Variants in ZDHHC2 observed in about 807,000 individuals in gnomAD.
ZDHHC2 encodes the protein zDHHC palmitoyltransferase 2, also known as palmitoyltransferase ZDHHC2.
A neutral mutation model predicts 55.6 loss-of-function variants in ZDHHC2; 51 were observed. That is an observed-to-expected ratio of 0.92 (90% CI 0.73 to 1.16). The LOEUF is 1.16. Among genes scored for constraint, ZDHHC2 ranks in the 50% most tolerant of loss-of-function variants. The probability of loss-of-function intolerance (pLI) is 0.00; values close to 1 mark genes in which losing one functional copy is unlikely to be tolerated. For missense variants in ZDHHC2, 491 were observed against 442.4 expected, an observed-to-expected ratio of 1.11 and a Z score of -0.99; for synonymous variants, 199 against 152.9, an observed-to-expected ratio of 1.30 and a Z score of -2.22.
At chr8:17,210,580 G>T in intron 10 of ZDHHC2, 100 bp downstream of exon 10, 1 of 959,146 alleles carries the variant, frequency 1.0e-6, no homozygotes, top group Non-Finnish European at 1.5e-6. Flanking sequence ...AAGACCATAA[G>T]AAAATTTACT....
chr8:17,184,700 T>C (rs1475526742), intron 1 of ZDHHC2, 89 bp from the exon 2 acceptor site: 5 of 1,088,486 alleles, frequency 4.6e-6, no homozygotes, highest in Non-Finnish European at 6.6e-6. Context: ...GGAAGCCACA[T>C]TATTAAGCTA....
intron 3 of ZDHHC2, among the ~76,000 whole-genome samples, chr8:17,191,289 G>A (rs912456316): frequency 6.6e-6 from 1 of 152,038 alleles, no homozygotes; most frequent in Non-Finnish European, 1.5e-5. Flanking sequence ...TAGAGATGGG[G>A]TTTCGCCATG....
In ZDHHC2 at chr8:17,186,413, T is replaced by G. The variant is rs1436292032; in HGVS notation, c.240T>G (p.Asn80Lys). The G allele has an allele frequency of 6.4e-7, 1 of 1,552,164 alleles. No homozygotes were observed. The highest frequency in any genetic ancestry group is 1.4e-5 in the African/African-American group (1 of 71,706). ...YWKTIFTLPM[N>K]PSKEFHLSYA... is the part of the protein sequence containing the mutation. ...AAACTATCTTTACATTACCAATGAATCCTTCAAAAGAAGTAAGTTAAAATA... is the reference window on the plus strand; with the variant it reads ...AAACTATCTTTACATTACCAATGAAGCCTTCAAAAGAAGTAAGTTAAAATA... Residue 80 changes from asparagine (N) to lysine (K), a missense_variant, in exon 3 of 13, where the codon AAT becomes AAG. By Grantham distance (94) the Asn-to-Lys change is moderately conservative. Coordinates refer to ENST00000262096, the MANE Select transcript of ZDHHC2 (RefSeq NM_016353.5).
At chr8:17,184,378 G>A (rs566615521) in intron 1 of ZDHHC2, among the ~76,000 whole-genome samples, 1 of 152,226 alleles carries the variant, frequency 6.6e-6, no homozygotes, top group South Asian at 2.1e-4. Flanking sequence ...ATTCTTTGTG[G>A]AAAGCTCACC....
chr8:17,216,641 A>G (rs188305725), intron 11 of ZDHHC2, among the ~76,000 whole-genome samples: 1 of 152,322 alleles, frequency 6.6e-6, no homozygotes, highest in East Asian at 1.9e-4. Context: ...TTCACATTTC[A>G]TCTTACATAA....
chr8:17,211,461 C>A (rs1411771940), intron 10 of ZDHHC2, among the ~76,000 whole-genome samples: 1 of 151,900 alleles, frequency 6.6e-6, no homozygotes, highest in African/African-American at 2.4e-5. Flanking sequence ...TTCTAAAGTT[C>A]TTTTTGTTGT....
At chr8:17,178,667 G>T (rs897911805) in intron 1 of ZDHHC2, among the ~76,000 whole-genome samples, 6 of 152,148 alleles carry the variant, frequency 3.9e-5, no homozygotes, top group African/African-American at 1.4e-4. Context: ...TTAAATGATT[G>T]CTTGGTAGTT....
chr8:17,199,509 T>TTCTTCTTGTTCTTCG lies in ZDHHC2; in HGVS notation c.476+1101_476+1102insTTGTTCTTCGTCTTC, dbSNP rs1297662337. 5.0e-5 allele frequency among the ~76,000 whole-genome samples: 6 copies of TTCTTCTTGTTCTTCG among 121,116 alleles called. No homozygotes were observed. The South Asian group carries it at 8.5e-4, about 17-fold the overall frequency. The allele number at this position is 121,116 out of a possible 152,430, so 79.5% of individuals were successfully genotyped here. A position where few individuals can be genotyped will look rare whatever the true frequency, so the allele number is the denominator to read the frequency against. On this transcript the variant is annotated intron_variant, in intron 6 of 12. Transcript: ENST00000262096. ...CTTCTTCTTCTTCTTCTTCTTCTTC[T>TTCTTCTTGTTCTTCG]TCTTCGTCTTCGTCTTCGTCTTCTG...
At chr8:17,166,286 G>A (rs1388548848) in intron 1 of ZDHHC2, among the ~76,000 whole-genome samples, 1 of 152,192 alleles carries the variant, frequency 6.6e-6, no homozygotes, top group Non-Finnish European at 1.5e-5. Context: ...TTACAGTAGC[G>A]ACAGCAGAAC....
At position 17,167,474 on chromosome 8, in the gene ZDHHC2, T is replaced by G. The variant is rs374850896; in HGVS notation, c.130+10621T>G. ...GCACCTGCCATCATGCCGGGCTAAT[T>G]TTTCCATTTTTGTAGAGACGGGGTT... is the stretch of plus-strand genomic sequence containing the variant. On this transcript the variant is annotated intron_variant, in intron 1 of 12. Coordinates refer to ENST00000262096, the MANE Select transcript of ZDHHC2 (RefSeq NM_016353.5). 4.6e-5 allele frequency among the ~76,000 whole-genome samples: 7 copies of G among 152,104 alleles called. 1 individual carries two copies.
intron 1 of ZDHHC2, 102 bp downstream of exon 1, chr8:17,156,955 C>T (rs1428461920): frequency 3.5e-6 from 4 of 1,155,808 alleles, no homozygotes; most frequent in African/African-American, 1.7e-5. Context: ...CGGATGCGCC[C>T]CGGGCGCTGC....
At chr8:17,189,451 C>T (rs1004475773) in intron 3 of ZDHHC2, among the ~76,000 whole-genome samples, 1 of 152,210 alleles carries the variant, frequency 6.6e-6, no homozygotes, top group African/African-American at 2.4e-5. Context: ...TCTTTGTTCA[C>T]TGCTTCATCA....
intron 1 of ZDHHC2, among the ~76,000 whole-genome samples, chr8:17,181,714 C>G (rs1288779416): frequency 7.2e-5 from 11 of 152,012 alleles, no homozygotes; most frequent in Admixed American, 3.9e-4. Context: ...TTTAGAAGAC[C>G]TGTCCCAATT....
chr8:17,165,712 G>A (rs1804568116), intron 1 of ZDHHC2, among the ~76,000 whole-genome samples: 1 of 152,174 alleles, frequency 6.6e-6, no homozygotes, highest in South Asian at 2.1e-4. Context: ...TTTGTTAGAG[G>A]ATCATCAGTG....
At chr8:17,178,896 A>G (rs1040214533) in intron 1 of ZDHHC2, among the ~76,000 whole-genome samples, 2 of 152,334 alleles carry the variant, frequency 1.3e-5, no homozygotes, top group African/African-American at 4.8e-5. Context: ...AGTCTTACCA[A>G]TTCTAAACTG....
rs1807896641 is a variant in ZDHHC2, at chr8:17,221,062, C to G, written c.*841C>G. On this transcript the variant is annotated 3_prime_UTR_variant, in exon 13 of 13. Coordinates refer to ENST00000262096, the MANE Select transcript of ZDHHC2 (RefSeq NM_016353.5). ...CTAAAAATCTCTTTTTAGATTATTT[C>G]TCCTGTTGAACATAGTAAAACTATT... 6.6e-6 allele frequency: 1 copy of G among 152,310 alleles called. No individual in the cohort carries two copies. Among genetic ancestry groups the G allele is most frequent in the African/African-American group, 2.4e-5 (1 of 41,392 alleles). The allele number at this position is 152,310 out of a possible 1,614,324, so 9.4% of individuals were successfully genotyped here.
At chr8:17,159,878 C>T (rs958508382) in intron 1 of ZDHHC2, among the ~76,000 whole-genome samples, 32 of 152,162 alleles carry the variant, frequency 2.1e-4, no homozygotes, top group African/African-American at 7.7e-4. Context: ...CACTCCTTTT[C>T]CCTCTCCCCT....
At position 17,200,336 on chromosome 8, in the gene ZDHHC2, G is replaced by A. The variant is rs1430853849; in HGVS notation, c.476+1923G>A. Among the ~76,000 whole-genome samples the A allele has an allele frequency of 5.5e-4, 84 of 152,202 alleles. 2 individuals are homozygous for A. The highest frequency in any genetic ancestry group is 2.9e-5 in the Non-Finnish European group (2 of 68,044). On this transcript the variant is annotated intron_variant, in intron 6 of 12. Transcript: ENST00000262096. ...GGCAACCCTCAACCAGTGACAGCCT[G>A]GCCGGTAAAAAATGCTTTATCCTTC... is the stretch of plus-strand genomic sequence containing the variant.
chr8:17,220,010 G>C (rs570720499), intron 12 of ZDHHC2, among the ~76,000 whole-genome samples: 20 of 143,924 alleles, frequency 1.4e-4, no homozygotes, highest in Non-Finnish European at 2.6e-4. Flanking sequence ...CCTTATCCTA[G>C]ACCTACTGAA....
Sources: gnomAD v4.1 joint callset for allele counts (sites outside exome capture counted in the v4.1 genomes callset) on GRCh38, gnomAD v4.1.1 for gene constraint, MANE v1.5 for transcripts, NCBI Gene and HGNC (gene_info 2026-07-23, HGNC 2026-07-21) for gene names.